Variants in CTSS observed in about 807,000 individuals in gnomAD.
The protein encoded by CTSS is cathepsin S.
A neutral mutation model predicts 39.9 loss-of-function variants in CTSS; 15 were observed. That is an observed-to-expected ratio of 0.38 (90% CI 0.25 to 0.58). The LOEUF (loss-of-function observed/expected upper bound fraction) is 0.58. Among genes scored for constraint, CTSS ranks in the 20% least tolerant of loss-of-function variants. The probability of loss-of-function intolerance (pLI) is 0.70; values close to 1 mark genes in which losing one functional copy is unlikely to be tolerated. For missense variants in CTSS, 250 were observed against 398.2 expected (o/e 0.63, Z 3.17); for synonymous variants, 126 against 138.2 (o/e 0.91, Z 0.62).
At chr1:150,734,394 A>G (rs78175667) in intron 7 of CTSS, among the ~76,000 whole-genome samples, 1 of 151,954 alleles carries the variant, frequency 6.6e-6, no homozygotes, top group Non-Finnish European at 1.5e-5. Context: ...TAATCCCAGC[A>G]CTTTGGGAGG....
At chr1:150,741,864 G>C (rs1210982288) in intron 7 of CTSS, among the ~76,000 whole-genome samples, 2 of 141,974 alleles carry the variant, frequency 1.4e-5, no homozygotes, top group Admixed American at 7.6e-5. Flanking sequence ...GACAGAGCGA[G>C]ACTCTGTCTC....
chr1:150,747,433 G>C (rs907036681), intron 7 of CTSS, among the ~76,000 whole-genome samples: 3 of 152,022 alleles, frequency 2.0e-5, no homozygotes, highest in Non-Finnish European at 4.4e-5. Context: ...TAGCACCCAA[G>C]AAAAAATAAA....
intron 7 of CTSS, among the ~76,000 whole-genome samples, chr1:150,744,798 G>A (rs1300052781): frequency 6.7e-6 from 1 of 150,302 alleles, no homozygotes; most frequent in Non-Finnish European, 1.5e-5. Context: ...TATCTCCAGG[G>A]CCTAGATAAT....
Position 150,731,574 on chromosome 1 carries a change from G to T in CTSS, c.*1472C>A, listed in dbSNP as rs1652522541. 4.6e-5 allele frequency: 7 copies of T among 152,208 alleles called. No homozygotes were observed. In the South Asian group the frequency reaches 1.2e-3, roughly 27 times the overall value. The allele number at this position is 152,208 out of a possible 1,614,324, so 9.4% of individuals were successfully genotyped here. On this transcript the variant is annotated 3_prime_UTR_variant, in exon 8 of 8. Transcript: ENST00000368985. Reference sequence around the variant, plus strand: ...GTGAAATACGTTTAGGTTAATTTAGGATATATTAATGACATTATCCCACAC... The same window carrying T: ...GTGAAATACGTTTAGGTTAATTTAGTATATATTAATGACATTATCCCACAC...
chr1:150,753,242 C>CCTGA (rs1653044165), intron 4 of CTSS, among the ~76,000 whole-genome samples: 1 of 152,154 alleles, frequency 6.6e-6, no homozygotes, highest in East Asian at 1.9e-4. Flanking sequence ...TCTCACTTAC[C>CCTGA]CTGACCTCTA....
chr1:150,751,730 G>T, intron 5 of CTSS, 51 bp downstream of exon 5: 2 of 1,534,184 alleles, frequency 1.3e-6, no homozygotes, highest in Non-Finnish European at 1.8e-6. Context: ...CAGTCAGTCA[G>T]TGGATAACAT....
At chr1:150,744,540 TA>T (rs1209763542) in intron 7 of CTSS, among the ~76,000 whole-genome samples, 70 of 113,900 alleles carry the variant, frequency 6.1e-4, no homozygotes, top group Admixed American at 1.2e-3. Context: ...ATACATAATA[TA>T]TTATATATTA....
intron 7 of CTSS, among the ~76,000 whole-genome samples, chr1:150,738,792 G>A (rs1218965722): frequency 6.6e-6 from 1 of 152,098 alleles, no homozygotes; most frequent in Non-Finnish European, 1.5e-5. Flanking sequence ...ACTGATAAGT[G>A]GTGTGTGTTC....
chr1:150,750,107 G>C lies in CTSS; in HGVS notation c.692C>G (p.Pro231Arg). ...AATCSKYTEL[P>R]YGREDVLKEA... is the part of the protein sequence containing the mutation. ...TTTCAGGACATCTTCTCTGCCATAA[G>C]GAAGTTCAGTGTACTTTGAACATGT... The change falls in exon 6 of 8, where the codon CCT (proline) becomes CGT (arginine). Residue 231 changes from proline (P) to arginine (R), a missense_variant. Transcript: ENST00000368985. The C allele has an allele frequency of 7.4e-6, 12 of 1,613,960 alleles. No homozygotes were observed. The highest frequency in any genetic ancestry group is 1.0e-5 in the Non-Finnish European group (12 of 1,179,874).
chr1:150,757,151 C>T (rs1394467207), intron 3 of CTSS, among the ~76,000 whole-genome samples: 1 of 152,136 alleles, frequency 6.6e-6, no homozygotes, highest in Non-Finnish European at 1.5e-5. Flanking sequence ...GGCGAATTAT[C>T]TGGGTTTGTT....
At chr1:150,763,885 T>A (rs1448858101) in intron 2 of CTSS, among the ~76,000 whole-genome samples, 1 of 152,172 alleles carries the variant, frequency 6.6e-6, no homozygotes, top group East Asian at 1.9e-4. Context: ...CAGGAGCTTG[T>A]GCTGATTTGC....
chr1:150,754,111 C>CT (rs751446609), intron 4 of CTSS, among the ~76,000 whole-genome samples: 10,236 of 128,194 alleles, frequency 0.08, 881 homozygotes, highest in African/African-American at 0.21. Flanking sequence ...CTCCTATACA[C>CT]TTTTTTTTTT....
At chr1:150,749,787 C>T (rs1023711666) in intron 6 of CTSS, among the ~76,000 whole-genome samples, 1 of 151,618 alleles carries the variant, frequency 6.6e-6, no homozygotes, top group Admixed American at 6.6e-5. Flanking sequence ...GTAGCTGAGA[C>T]TACAAGTGAG....
intron 7 of CTSS, among the ~76,000 whole-genome samples, chr1:150,741,884 A>G (rs1157621922): frequency 4.1e-5 from 6 of 147,990 alleles, no homozygotes; most frequent in East Asian, 2.0e-4. Context: ...CAAAAAAAAA[A>G]GGGGGGGGGA....
chr1:150,752,158 A>G, intron 4 of CTSS, 150 bp from the exon 5 acceptor site: 1 of 759,690 alleles, frequency 1.3e-6, no homozygotes, highest in South Asian at 1.9e-5. Flanking sequence ...TGTCTTTAAC[A>G]ATGGGAATGA....
intron 5 of CTSS, 148 bp downstream of exon 5, chr1:150,751,633 T>G: frequency 1.5e-6 from 1 of 657,678 alleles, no homozygotes; most frequent in Non-Finnish European, 2.7e-6. Flanking sequence ...GAAACAGAAC[T>G]CTTGAGAATT....
intron 7 of CTSS, among the ~76,000 whole-genome samples, chr1:150,741,308 A>G (rs1652751867): frequency 6.6e-6 from 1 of 152,218 alleles, no homozygotes; most frequent in African/African-American, 2.4e-5. Context: ...TAATATTTAT[A>G]CTACATATAA....
At chr1:150,736,558 A>G (rs587761856) in intron 7 of CTSS, among the ~76,000 whole-genome samples, 4 of 152,268 alleles carry the variant, frequency 2.6e-5, no homozygotes. Context: ...CTGAATTTGG[A>G]CCTGAGTTCT....
At chr1:150,736,320 G>A (rs587751593) in intron 7 of CTSS, among the ~76,000 whole-genome samples, 1 of 152,118 alleles carries the variant, frequency 6.6e-6, no homozygotes, top group Non-Finnish European at 1.5e-5. Context: ...AAAGTAGCTT[G>A]CCAAAAGTCA....
Sources: gnomAD v4.1 joint callset for allele counts (sites outside exome capture counted in the v4.1 genomes callset) on GRCh38, gnomAD v4.1.1 for gene constraint, MANE v1.5 for transcripts, NCBI Gene and HGNC (gene_info 2026-07-23, HGNC 2026-07-21) for gene names.